The following CETP variants were observed in gnomAD, a reference collection of about 807,000 sequenced individuals.
CETP encodes BPI fold containing family F.
CETP carries 56 observed loss-of-function variants against 66.5 expected under a neutral mutation model. That is an observed-to-expected ratio of 0.84 (90% CI 0.68 to 1.05). CETP has a LOEUF of 1.05. Ranked by LOEUF, CETP falls within the 50% of genes least tolerant of loss-of-function variation. The pLI is 0.00. For missense variants in CETP, 612 were observed against 609.6 expected, an observed-to-expected ratio of 1.00 and a Z score of -0.04; for synonymous variants, 251 against 245.7, an observed-to-expected ratio of 1.02 and a Z score of -0.20.
chr16:56,968,727 TTC>T (rs1166218144), intron 2 of CETP, among the ~76,000 whole-genome samples: 5 of 148,318 alleles, frequency 3.4e-5, no homozygotes, highest in African/African-American at 1.3e-4. Flanking sequence ...TTGAGTCTTC[TTC>T]TTTTTTTTTT....
intron 11 of CETP, among the ~76,000 whole-genome samples, chr16:56,980,343 G>A (rs927148173): frequency 1.2e-4 from 19 of 152,070 alleles, no homozygotes; most frequent in East Asian, 5.8e-4. Context: ...GCACTACCAC[G>A]TATTTTTTTG....
At chr16:56,963,692 CAG>C (rs1242462538) in intron 2 of CETP, among the ~76,000 whole-genome samples, 4 of 152,114 alleles carry the variant, frequency 2.6e-5, no homozygotes, top group Non-Finnish European at 5.9e-5. Flanking sequence ...TTTTTTGAGA[CAG>C]AGTCTCCCTC....
chr16:56,979,496 A>G (rs555579599), intron 11 of CETP, among the ~76,000 whole-genome samples: 33 of 149,850 alleles, frequency 2.2e-4, no homozygotes, highest in Non-Finnish European at 4.0e-4. Flanking sequence ...ATTATCTTTA[A>G]TGCTCCTTAG....
At chr16:56,969,861 G>A in intron 4 of CETP, 53 bp from the exon 5 acceptor site, 1 of 1,589,376 alleles carries the variant, frequency 6.3e-7, no homozygotes, top group East Asian at 2.3e-5. Context: ...GCAGCATGTG[G>A]ATACCATCTG....
intron 1 of CETP, 135 bp downstream of exon 1, chr16:56,962,232 G>A: frequency 1.2e-6 from 1 of 812,142 alleles, no homozygotes. Context: ...GCCCTGGGAG[G>A]GAGATGGGCT....
chr16:56,966,928 C>T (rs1164552870), intron 2 of CETP, among the ~76,000 whole-genome samples: 1 of 151,704 alleles, frequency 6.6e-6, no homozygotes, highest in Non-Finnish European at 1.5e-5. Flanking sequence ...TGACTGTTTT[C>T]ACTTACTCTC....
chr16:56,961,964 C>T lies in CETP; in HGVS notation c.-16C>T, dbSNP rs1238623327. On this transcript the variant is annotated 5_prime_UTR_variant, in exon 1 of 16. Transcript: ENST00000200676. ...CTGAACGGCTCGGGCCACTTACACA[C>T]CACTGCCTGATAACCATGCTGGCTG... 6.2e-7 allele frequency: 1 copy of T among 1,607,056 alleles called. No homozygotes were observed. Among genetic ancestry groups the T allele is most frequent in the Admixed American group, 1.7e-5 (1 of 60,026 alleles).
intron 11 of CETP, among the ~76,000 whole-genome samples, chr16:56,978,507 G>GTC (rs1390130282): frequency 1.3e-5 from 2 of 151,962 alleles, no homozygotes; most frequent in African/African-American, 4.8e-5. Flanking sequence ...TAGAGACAGG[G>GTC]TCTCACTCTG....
intron 2 of CETP, among the ~76,000 whole-genome samples, 156 bp downstream of exon 2, chr16:56,963,280 C>G (rs565120804): frequency 1.9e-4 from 29 of 152,232 alleles, no homozygotes; most frequent in Admixed American, 1.4e-3. Context: ...TCCCTACCCC[C>G]ACCCTCCATC....
chr16:56,969,701 TG>T lies in CETP; in HGVS notation c.439+24del. 1 of 1,612,826 alleles carries T rather than the reference TG, an allele frequency of 6.2e-7. No individual in the cohort carries two copies. Among genetic ancestry groups the T allele is most frequent in the Non-Finnish European group, 8.5e-7 (1 of 1,179,786 alleles). On this transcript the variant is annotated intron_variant, in intron 4 of 15. Coordinates refer to ENST00000200676, the MANE Select transcript of CETP (RefSeq NM_000078.3). ...AGCTGAGTATGTGTCAAGCGTCCTC[TG>T]GGGAAGTGGGAGCTGGACTCCAGGG...
At chr16:56,967,524 G>C (rs1169717682) in intron 2 of CETP, among the ~76,000 whole-genome samples, 2 of 151,928 alleles carry the variant, frequency 1.3e-5, no homozygotes, top group East Asian at 3.9e-4. Flanking sequence ...ATGTCGTGGC[G>C]GGAGCCTGTA....
chr16:56,971,108 T>G lies in CETP; in HGVS notation c.597+6T>G, dbSNP rs770756667. ...AGCTGGTCCTGAAGGGACAGGTGAGTGAGGCTGGCTGACTCCCTGTGGTCC... is the reference window on the plus strand; with the variant it reads ...AGCTGGTCCTGAAGGGACAGGTGAGGGAGGCTGGCTGACTCCCTGTGGTCC... On this transcript the variant is annotated splice_donor_region_variant and intron_variant, in intron 6 of 15. Coordinates refer to ENST00000200676, the MANE Select transcript of CETP (RefSeq NM_000078.3). The G allele has an allele frequency of 8.1e-6, 13 of 1,613,560 alleles. No individual in the cohort carries two copies. In the South Asian group the frequency reaches 1.4e-4, roughly 18 times the overall value.
chr16:56,963,149 A>C, intron 2 of CETP, 25 bp downstream of exon 2: 1 of 1,581,722 alleles, frequency 6.3e-7, no homozygotes, highest in African/African-American at 1.4e-5. Flanking sequence ...GGGTGTGACC[A>C]GGCTGGGGGT....
At chr16:56,973,784 G>A (rs1181969172) in intron 9 of CETP, among the ~76,000 whole-genome samples, 3 of 152,192 alleles carry the variant, frequency 2.0e-5, no homozygotes, top group Non-Finnish European at 4.4e-5. Context: ...CGGGAGCATG[G>A]GTAAGACTCC....
chr16:56,980,265 CTGTT>C (rs1405284345), intron 11 of CETP, among the ~76,000 whole-genome samples: 4 of 151,864 alleles, frequency 2.6e-5, no homozygotes, highest in Non-Finnish European at 5.9e-5. Flanking sequence ...GTTTGTTTGT[CTGTT>C]TGTTTCTGCC....
Position 56,962,034 on chromosome 16 carries a change from T to C in CETP, c.55T>C (p.Ser19Pro). 6.2e-7 allele frequency: 1 copy of C among 1,614,098 alleles called. No individual in the cohort carries two copies. ...CCTGCTGGGCAATGCCCATGCCTGC[T>C]CCAAAGGCACCTCGCACGAGGCAGG... ...LALLGNAHAC[S>P]KGTSHEAGIV... Residue 19 changes from serine (S) to proline (P), a missense_variant, in exon 1 of 16, where the codon TCC (serine) becomes CCC (proline). Coordinates refer to ENST00000200676, the MANE Select transcript of CETP (RefSeq NM_000078.3).
Position 56,973,402 on chromosome 16 carries a change from C to G in CETP, c.822C>G (p.Asp274Glu), listed in dbSNP as rs2056127333. The G allele has an allele frequency of 6.2e-7, 1 of 1,614,108 alleles. No homozygotes were observed. Among genetic ancestry groups the G allele is most frequent in the Admixed American group, 1.7e-5 (1 of 60,008 alleles). ...CCTTCTCGCCCACACTGCTGGGGGA[C>G]TCCCGCATGCTGTACTTCTGGTTCT... Reference protein sequence around the residue: ...LPTFSPTLLGDSRMLYFWFSE... With the variant: ...LPTFSPTLLGESRMLYFWFSE... Residue 274 changes from aspartate (D) to glutamate (E), a missense_variant, in exon 9 of 16, where the codon GAC becomes GAG. Physicochemically the swap from Asp to Glu is conservative, Grantham distance 45. Transcript: ENST00000200676.
At chr16:56,973,559 T>G (rs772059097) in intron 9 of CETP, 49 bp downstream of exon 9, 2 of 1,544,838 alleles carry the variant, frequency 1.3e-6, no homozygotes, top group South Asian at 1.2e-5. Context: ...GCATGTGGTA[T>G]GTGTGTGTGT....
chr16:56,976,129 T>G (rs1270193249), intron 10 of CETP, among the ~76,000 whole-genome samples: 6 of 152,176 alleles, frequency 3.9e-5, no homozygotes, highest in African/African-American at 7.2e-5. Flanking sequence ...ATTTCTAGTC[T>G]TTCCATTTCT....
Sources: allele counts gnomAD v4.1 joint callset (sites outside exome capture counted in the v4.1 genomes callset), GRCh38; gene constraint gnomAD v4.1.1; transcripts MANE v1.5; gene names NCBI Gene and HGNC (gene_info 2026-07-23, HGNC 2026-07-21).